MAML3: variants seen among roughly 807,000 people sequenced by gnomAD.
The protein encoded by MAML3 is mastermind like transcriptional coactivator 3, also known as mastermind-like protein 3.
In MAML3, 27 loss-of-function variants were observed where a neutral mutation model predicts 101.9. The observed-to-expected ratio is 0.27, with a 90% CI of 0.20 to 0.37. The LOEUF (loss-of-function observed/expected upper bound fraction) is 0.37. Among genes scored for constraint, MAML3 ranks in the 10% least tolerant of loss-of-function variants. The pLI is 1.00. For synonymous variants in MAML3, 501 were observed against 555.9 expected, an observed-to-expected ratio of 0.90 and a Z score of 1.39; for missense variants, 1,316 against 1,444.9, an observed-to-expected ratio of 0.91 and a Z score of 1.45.
At chr4:140,020,055 C>T (rs1233983879) in intron 1 of MAML3, among the ~76,000 whole-genome samples, 2 of 152,188 alleles carry the variant, frequency 1.3e-5, no homozygotes, top group African/African-American at 2.4e-5. Context: ...TTTCTCAAGT[C>T]TCATTTCAGA....
chr4:139,843,347 C>T (rs1272668172), intron 2 of MAML3, among the ~76,000 whole-genome samples: 2 of 152,122 alleles, frequency 1.3e-5, no homozygotes, highest in Non-Finnish European at 2.9e-5. Flanking sequence ...ACTCTCGGGT[C>T]CATGTGCTCA....
rs547971180 is a variant in MAML3 at position 139,828,599 on chromosome 4, T to C, written c.2079+60758A>G. Among the ~76,000 whole-genome samples the C allele has an allele frequency of 2.6e-5, 4 of 151,850 alleles. No homozygotes were observed. The South Asian group carries it at 6.2e-4, about 24-fold the overall frequency. ...TAGAGACGCCAAGCAAATGAACAAA[T>C]AGTTAAATACAACATAATAAATGAT... On this transcript the variant is annotated intron_variant, in intron 2 of 4. Transcript: ENST00000509479.
chr4:139,818,622 G>A (rs554006114), intron 2 of MAML3, among the ~76,000 whole-genome samples: 11 of 152,328 alleles, frequency 7.2e-5, no homozygotes, highest in Admixed American at 1.3e-4. Context: ...ACCAATGAGA[G>A]TTGGAGAAAA....
chr4:139,796,602 G>A (rs552614159), intron 2 of MAML3, among the ~76,000 whole-genome samples: 48 of 152,188 alleles, frequency 3.2e-4, no homozygotes, highest in Non-Finnish European at 5.4e-4. Flanking sequence ...CTAGTGATTC[G>A]AATGTGTTGA....
chr4:139,824,650 C>A (rs904183023), intron 2 of MAML3, among the ~76,000 whole-genome samples: 1 of 152,200 alleles, frequency 6.6e-6, no homozygotes, highest in African/African-American at 2.4e-5. Flanking sequence ...TGCCAATTTG[C>A]ACTAATTTCA....
At chr4:139,975,630 A>G (rs1734324878) in intron 1 of MAML3, among the ~76,000 whole-genome samples, 1 of 152,070 alleles carries the variant, frequency 6.6e-6, no homozygotes, top group Non-Finnish European at 1.5e-5. Flanking sequence ...TGCTTTATTC[A>G]CTGCTGTATG....
intron 1 of MAML3, among the ~76,000 whole-genome samples, chr4:139,946,169 G>A (rs1286341684): frequency 1.3e-5 from 2 of 152,188 alleles, no homozygotes; most frequent in Non-Finnish European, 1.5e-5. Flanking sequence ...TTCAAGATAT[G>A]TAACATTGGA....
intron 1 of MAML3, among the ~76,000 whole-genome samples, chr4:140,122,811 A>C (rs1423579302): frequency 7.5e-6 from 1 of 133,920 alleles, no homozygotes; most frequent in Non-Finnish European, 1.6e-5. Context: ...AAAAAAAAAA[A>C]CCATTTTGAA....
chr4:139,938,031 A>T (rs753951813), intron 1 of MAML3, among the ~76,000 whole-genome samples: 1 of 152,214 alleles, frequency 6.6e-6, no homozygotes, highest in East Asian at 1.9e-4. Context: ...GCTTTGATCC[A>T]TATACCCAGT....
chr4:140,151,784 A>G (rs72937720), intron 1 of MAML3, among the ~76,000 whole-genome samples: 6,502 of 151,798 alleles, frequency 0.043, 446 homozygotes, highest in African/African-American at 0.15. Context: ...AAGAGAAAGG[A>G]TTCTAGCCTC....
chr4:139,971,876 C>T (rs1437284827), intron 1 of MAML3, among the ~76,000 whole-genome samples: 1 of 152,138 alleles, frequency 6.6e-6, no homozygotes. Context: ...TCTCATGGCC[C>T]TATGAGATTG....
At chr4:140,146,632 T>C (rs1729069762) in intron 1 of MAML3, among the ~76,000 whole-genome samples, 1 of 152,322 alleles carries the variant, frequency 6.6e-6, no homozygotes, top group South Asian at 2.1e-4. Flanking sequence ...GCAGGCTGTA[T>C]TTGTAATAAA....
chr4:139,825,058 C>T (rs965431710), intron 2 of MAML3, among the ~76,000 whole-genome samples: 1 of 152,134 alleles, frequency 6.6e-6, no homozygotes, highest in Non-Finnish European at 1.5e-5. Context: ...CCCCTTCCAC[C>T]GCCACCCCTC....
intron 2 of MAML3, among the ~76,000 whole-genome samples, chr4:139,852,145 C>T (rs1731564886): frequency 6.6e-6 from 1 of 152,278 alleles, no homozygotes; most frequent in South Asian, 2.1e-4. Context: ...CACTTGTTCT[C>T]AATTGCTAAA....
In MAML3 at chr4:140,145,548, ATTTTTTTGTTTTGT is replaced by A. The variant is rs762504679; in HGVS notation, c.468+7298_468+7311del. 1.1e-4 allele frequency among the ~76,000 whole-genome samples: 16 copies of A among 151,034 alleles called. No homozygotes were observed. In the East Asian group the frequency reaches 1.9e-3, roughly 18 times the overall value. ...GAGGAAGTACTGCAAGCCTTTTGAG[ATTTTTTTGTTTTGT>A]TTTGTTTTGTTTTGTTTTGTTTGAG... is the stretch of plus-strand genomic sequence containing the variant. On this transcript the variant is annotated intron_variant, in intron 1 of 4. Coordinates refer to ENST00000509479, the MANE Select transcript of MAML3 (RefSeq NM_018717.5).
In MAML3 at chr4:139,890,372, G is replaced by A. The variant is rs779621420; in HGVS notation, c.1064C>T (p.Ala355Val). 11 of 1,602,708 alleles carry A rather than the reference G, an allele frequency of 6.9e-6. No individual in the cohort carries two copies. Among genetic ancestry groups the A allele is most frequent in the Admixed American group, 5.0e-5 (3 of 59,438 alleles). Residue 355 changes from alanine to valine, a missense_variant, in exon 2 of 5, where the codon GCG (alanine) becomes GTG (valine). Ala to Val is a moderately conservative substitution (Grantham distance 64, BLOSUM62 0). Coordinates refer to ENST00000509479, the MANE Select transcript of MAML3 (RefSeq NM_018717.5). This position sits in a 1 kb window ranked among gnomAD's most constrained non-coding sequence, Gnocchi z 4.1. The stretch of plus-strand genomic sequence containing the variant: ...GTGAGAGGGGTCGCTCTTCACGCTC[G>A]CACTCTCCTGGGAGAGAGGGGTCTC... The part of the protein sequence containing the change: ...ATETPLSQES[A>V]SVKSDPSHSP...
At chr4:139,739,679 G>GT (rs1553952725) in intron 2 of MAML3, among the ~76,000 whole-genome samples, 15,937 of 132,106 alleles carry the variant, frequency 0.12, 1,125 homozygotes, top group Non-Finnish European at 0.15. Flanking sequence ...GAGGAAAGCA[G>GT]TTTTTTTTTT....
chr4:139,802,333 A>G (rs1298270372), intron 2 of MAML3, among the ~76,000 whole-genome samples: 1 of 152,104 alleles, frequency 6.6e-6, no homozygotes, highest in African/African-American at 2.4e-5. Flanking sequence ...GTTAGGATCT[A>G]TCACTGTGTT....
At chr4:139,958,006 A>G (rs1733943719) in intron 1 of MAML3, among the ~76,000 whole-genome samples, 2 of 152,218 alleles carry the variant, frequency 1.3e-5, no homozygotes, top group Non-Finnish European at 2.9e-5. Context: ...GAGATTTTTC[A>G]TATCTGAATA....
Sources: allele counts gnomAD v4.1 joint callset (sites outside exome capture counted in the v4.1 genomes callset), GRCh38; gene constraint gnomAD v4.1.1; non-coding constraint Gnocchi (gnomAD v3.1); transcripts MANE v1.5; gene names NCBI Gene and HGNC (gene_info 2026-07-23, HGNC 2026-07-21).